Variants in ATG10 observed in about 807,000 individuals in gnomAD.
ATG10 encodes autophagy related 10, also known as ubiquitin-like-conjugating enzyme ATG10.
ATG10 carries 30 observed loss-of-function variants against 32.1 expected under a neutral mutation model. The observed-to-expected ratio is 0.94, with a 90% CI of 0.70 to 1.27. The LOEUF is 1.27. Among genes scored for constraint, ATG10 ranks in the 50% most tolerant of loss-of-function variants. ATG10 has a pLI of 0.00. For missense variants in ATG10, 233 were observed against 262.3 expected, an observed-to-expected ratio of 0.89 and a Z score of 0.77; for synonymous variants, 87 against 91.5, an observed-to-expected ratio of 0.95 and a Z score of 0.28.
At chr5:82,097,630 GC>G (rs1765112355) in intron 3 of ATG10, among the ~76,000 whole-genome samples, 1 of 152,162 alleles carries the variant, frequency 6.6e-6, no homozygotes, top group African/African-American at 2.4e-5. Context: ...GGCAGAAACA[GC>G]AATTACTTTT....
At chr5:82,237,050 C>A (rs1313335141) in intron 5 of ATG10, among the ~76,000 whole-genome samples, 4 of 152,020 alleles carry the variant, frequency 2.6e-5, no homozygotes, top group Non-Finnish European at 4.4e-5. Context: ...GTGTTCAAAC[C>A]TTGCCTCTTT....
chr5:82,175,580 A>G (rs1743982975), intron 4 of ATG10, among the ~76,000 whole-genome samples: 1 of 152,188 alleles, frequency 6.6e-6, no homozygotes, highest in Non-Finnish European at 1.5e-5. Context: ...TGATAAAGTT[A>G]TGTGTGTTTT....
intron 2 of ATG10, among the ~76,000 whole-genome samples, chr5:81,994,698 C>T (rs1025898089): frequency 3.3e-5 from 5 of 152,148 alleles, no homozygotes; most frequent in African/African-American, 1.2e-4. Context: ...CAGTTTTACC[C>T]TTGATATCTT....
intron 5 of ATG10, among the ~76,000 whole-genome samples, chr5:82,203,227 A>T (rs1158935502): frequency 7.3e-6 from 1 of 136,508 alleles, no homozygotes; most frequent in Non-Finnish European, 1.6e-5. Flanking sequence ...GACTCCATCT[A>T]AAAAAAAAAA....
intron 3 of ATG10, among the ~76,000 whole-genome samples, chr5:82,131,596 A>G (rs982846557): frequency 7.9e-5 from 12 of 152,158 alleles, no homozygotes; most frequent in African/African-American, 2.9e-4. Context: ...TTTTGAAAAG[A>G]ATCCAACTTA....
At chr5:82,206,629 G>A (rs1038911085) in intron 5 of ATG10, among the ~76,000 whole-genome samples, 6 of 148,010 alleles carry the variant, frequency 4.1e-5, no homozygotes, top group Admixed American at 1.3e-4. Flanking sequence ...CAGCCTGGGC[G>A]ACAGAGCGAG....
intron 3 of ATG10, among the ~76,000 whole-genome samples, chr5:82,092,577 C>T (rs1476288250): frequency 2.0e-5 from 3 of 152,162 alleles, no homozygotes; most frequent in Non-Finnish European, 4.4e-5. Context: ...GACTAAGAGG[C>T]TGCTACCTCT....
intron 1 of ATG10, among the ~76,000 whole-genome samples, chr5:81,980,940 GAGCAAGCCTC>G (rs1181952454): frequency 6.6e-6 from 1 of 152,186 alleles, no homozygotes; most frequent in Non-Finnish European, 1.5e-5. Context: ...AGAGAGGTCA[GAGCAAGCCTC>G]AGCTACCAAC....
intron 3 of ATG10, among the ~76,000 whole-genome samples, chr5:82,083,491 C>G (rs1764557572): frequency 6.6e-6 from 1 of 152,118 alleles, no homozygotes; most frequent in Admixed American, 6.5e-5. Flanking sequence ...AGTGGTCCTC[C>G]CAGCACAGAG....
intron 2 of ATG10, among the ~76,000 whole-genome samples, chr5:82,054,382 C>T (rs1341294309): frequency 6.6e-6 from 1 of 152,124 alleles, no homozygotes; most frequent in African/African-American, 2.4e-5. Flanking sequence ...GAGATTCTGC[C>T]TGTCTGTCTT....
chr5:82,250,575 A>C (rs1181598679), intron 5 of ATG10, among the ~76,000 whole-genome samples: 1 of 151,980 alleles, frequency 6.6e-6, no homozygotes, highest in Non-Finnish European at 1.5e-5. Context: ...CCATTGTATT[A>C]CCTCTTCCTT....
At chr5:82,149,118 G>C (rs1200191161) in intron 3 of ATG10, among the ~76,000 whole-genome samples, 4 of 151,982 alleles carry the variant, frequency 2.6e-5, no homozygotes, top group Non-Finnish European at 4.4e-5. Flanking sequence ...CAAATTGTGT[G>C]GCCAAGATCT....
chr5:82,048,773 A>T (rs549715767), intron 2 of ATG10, among the ~76,000 whole-genome samples: 1 of 152,336 alleles, frequency 6.6e-6, no homozygotes, highest in East Asian at 1.9e-4. Context: ...GAAGACATTT[A>T]TGCAGCCAAA....
intron 5 of ATG10, among the ~76,000 whole-genome samples, chr5:82,249,960 T>G (rs557987549): frequency 6.6e-6 from 1 of 152,306 alleles, no homozygotes; most frequent in African/African-American, 2.4e-5. Flanking sequence ...GTGATTGAAC[T>G]GATCCTCCCT....
intron 3 of ATG10, among the ~76,000 whole-genome samples, chr5:82,070,262 T>C (rs1764086291): frequency 6.6e-6 from 1 of 150,480 alleles, no homozygotes; most frequent in South Asian, 2.1e-4. Flanking sequence ...CTAAATCTCG[T>C]CTCTATGCTC....
chr5:82,108,294 C>A (rs1305687484), intron 3 of ATG10, among the ~76,000 whole-genome samples: 1 of 151,726 alleles, frequency 6.6e-6, no homozygotes, highest in South Asian at 2.1e-4. Context: ...TGTAGTAATA[C>A]CTTTCATTTG....
rs374509762 is a variant in ATG10, at chr5:82,170,653, A to G, written c.355+6116A>G. Among the ~76,000 whole-genome samples the G allele has an allele frequency of 8.5e-5, 13 of 152,214 alleles. No homozygotes were observed. In the East Asian group the frequency reaches 2.3e-3, roughly 27 times the overall value. On this transcript the variant is annotated intron_variant, in intron 4 of 7. Transcript: ENST00000282185. ...TCAGAATACTTTGGATAGGATTGAA[A>G]ATAGAGTGTTGGCAGGGCGCGGTGG...
intron 3 of ATG10, among the ~76,000 whole-genome samples, chr5:82,159,028 A>AT (rs1248935960): frequency 2.6e-5 from 4 of 152,178 alleles, no homozygotes; most frequent in Non-Finnish European, 4.4e-5. Flanking sequence ...ACAGTAAGAG[A>AT]TTAACAGTTT....
chr5:82,159,886 C>G (rs1188390040), intron 3 of ATG10, among the ~76,000 whole-genome samples: 1 of 152,112 alleles, frequency 6.6e-6, no homozygotes, highest in Non-Finnish European at 1.5e-5. Flanking sequence ...ACCATAGGTT[C>G]ACATTTAGTA....
Sources: gnomAD v4.1 joint callset for allele counts (sites outside exome capture counted in the v4.1 genomes callset) on GRCh38, gnomAD v4.1.1 for gene constraint, MANE v1.5 for transcripts, NCBI Gene and HGNC (gene_info 2026-07-23, HGNC 2026-07-21) for gene names.